KRT86: variants seen among roughly 807,000 people sequenced by gnomAD.
KRT86 encodes keratin 86, also known as keratin, type II cuticular Hb6.
Under a neutral mutation model 41.2 loss-of-function variants are expected in KRT86, and 30 were observed. That is an observed-to-expected ratio of 0.73 (90% CI 0.54 to 0.99). The LOEUF (loss-of-function observed/expected upper bound fraction) is 0.99. KRT86 is among the 50% of genes least tolerant of loss of function. The pLI, the probability that KRT86 is intolerant of heterozygous loss-of-function variation, is 0.00. For synonymous variants in KRT86, 238 were observed against 238.1 expected (o/e 1.00, Z 0.00); for missense variants, 561 against 571.4 (o/e 0.98, Z 0.19).
intron 2 of KRT86, chr12:52,291,303 G>GA (rs1355298615): frequency 6.5e-7 from 1 of 1,543,024 alleles, no homozygotes; most frequent in African/African-American, 1.4e-5. Context: ...GAGCCGGCCC[G>GA]AAAGCCTCCG....
At chr12:52,293,850 CT>C (rs1341154046) in intron 2 of KRT86, among the ~76,000 whole-genome samples, 1 of 152,088 alleles carries the variant, frequency 6.6e-6, no homozygotes, top group Non-Finnish European at 1.5e-5. Flanking sequence ...AATGGCCTGG[CT>C]TATAGCCCCC....
intron 2 of KRT86, among the ~76,000 whole-genome samples, chr12:52,281,439 G>T (rs374611439): frequency 1.3e-5 from 2 of 152,216 alleles, no homozygotes; most frequent in Non-Finnish European, 2.9e-5. Flanking sequence ...GGTTGAGGCT[G>T]CATGGTCCTG....
chr12:52,308,752 G>A lies in KRT86; in HGVS notation c.*167G>A, dbSNP rs1565751936. On this transcript the variant is annotated 3_prime_UTR_variant, in exon 11 of 11. Coordinates refer to ENST00000423955, the MANE Select transcript of KRT86 (RefSeq NM_001320198.2). ...GCTCCGGGAGCCATCCCCGGTCGCA[G>A]GAGTCCGGGGAGGGCCGGGAGGCGC... 1 of 639,488 alleles carries A rather than the reference G, an allele frequency of 1.6e-6. No individual in the cohort carries two copies. Among genetic ancestry groups the A allele is most frequent in the Non-Finnish European group, 2.7e-6 (1 of 372,450 alleles). 39.6% of individuals were successfully genotyped at this position (639,488 alleles called of 1,614,324 possible).
At chr12:52,288,587 C>A in intron 2 of KRT86, 1 of 1,103,202 alleles carries the variant, frequency 9.1e-7, no homozygotes, top group South Asian at 1.2e-5. Context: ...CCTTTCCTCC[C>A]CTTCTGCCCT....
At chr12:52,291,822 C>A (rs1206337435) in intron 2 of KRT86, among the ~76,000 whole-genome samples, 1 of 151,708 alleles carries the variant, frequency 6.6e-6, no homozygotes, top group Admixed American at 6.6e-5. Flanking sequence ...GAGGAGAGGA[C>A]GAGAAGGAGG....
intron 2 of KRT86, among the ~76,000 whole-genome samples, chr12:52,278,106 G>A (rs1446935359): frequency 1.3e-5 from 2 of 152,168 alleles, no homozygotes; most frequent in Non-Finnish European, 2.9e-5. Flanking sequence ...GGGGTTACAT[G>A]ACCAGGTGGG....
In KRT86 at chr12:52,308,880, C is replaced by T. The variant is rs2121324395; in HGVS notation, c.*295C>T. The T allele has an allele frequency of 9.3e-6, 4 of 429,076 alleles. No individual in the cohort carries two copies. The South Asian group carries it at 9.5e-5, about 10-fold the overall frequency. 26.6% of individuals were successfully genotyped at this position (429,076 alleles called of 1,614,324 possible). The stretch of plus-strand genomic sequence containing the variant: ...TGTTTTTTTTGCTGTATACATTGGT[C>T]TTGCCTGAGCTCTTCCCCAAAGCTT... On this transcript the variant is annotated 3_prime_UTR_variant, in exon 11 of 11. Coordinates refer to ENST00000423955, the MANE Select transcript of KRT86 (RefSeq NM_001320198.2).
intron 6 of KRT86, 55 bp downstream of exon 6, chr12:52,305,082 G>C: frequency 1.9e-6 from 3 of 1,610,830 alleles, no homozygotes; most frequent in Non-Finnish European, 2.5e-6. Flanking sequence ...GGAGAGATGG[G>C]GGTGGGAGTG....
intron 2 of KRT86, chr12:52,288,248 C>A: frequency 3.1e-6 from 5 of 1,597,984 alleles, no homozygotes; most frequent in Non-Finnish European, 1.7e-6. Context: ...CAACCCTGCC[C>A]CCTCACACAG....
rs1938301281 is a variant in KRT86 at position 52,298,545 on chromosome 12, C to T, written c.-4-3368C>T. Among the ~76,000 whole-genome samples, 4 of 152,328 alleles carry T rather than the reference C, an allele frequency of 2.6e-5. No homozygotes were observed. In the South Asian group the frequency reaches 8.3e-4, roughly 32 times the overall value. On this transcript the variant is annotated intron_variant, in intron 2 of 10. Coordinates refer to ENST00000423955, the MANE Select transcript of KRT86 (RefSeq NM_001320198.2). ...AACAACAACAACTAATATGATTACACACTTAGAGTGTGCCAGGCTTAGTTC... is the reference window on the plus strand; with the variant it reads ...AACAACAACAACTAATATGATTACATACTTAGAGTGTGCCAGGCTTAGTTC...
In KRT86 at chr12:52,287,149, G is replaced by A. The variant is rs762654620; in HGVS notation, c.-5+11203G>A. The A allele has an allele frequency of 4.3e-6, 7 of 1,613,420 alleles. No individual in the cohort carries two copies. In the African/African-American group the frequency reaches 5.3e-5, roughly 12 times the overall value. On this transcript the variant is annotated intron_variant, in intron 2 of 10. Transcript: ENST00000423955. Reference sequence around the variant, plus strand: ...GGCGCCTGTAGGTGGCGATCTCGATGTCCAGGCCCAGCTTGGAGTTCATCA... The same window carrying A: ...GGCGCCTGTAGGTGGCGATCTCGATATCCAGGCCCAGCTTGGAGTTCATCA...
Position 52,287,616 on chromosome 12 carries a change from C to A in KRT86, c.-5+11670C>A. On this transcript the variant is annotated intron_variant, in intron 2 of 10. Coordinates refer to ENST00000423955, the MANE Select transcript of KRT86 (RefSeq NM_001320198.2). ...CATACCTGGCACTTGGCATTCTCCA[C>A]CTCGGCCGTCAGCCTTTGGATCATG... 1 of 1,613,970 alleles carries A rather than the reference C, an allele frequency of 6.2e-7. No individual in the cohort carries two copies. Among genetic ancestry groups the A allele is most frequent in the Non-Finnish European group, 8.5e-7 (1 of 1,179,852 alleles).
intron 8 of KRT86, 119 bp from the exon 9 acceptor site, chr12:52,305,941 G>A (rs1333241987): frequency 6.4e-7 from 1 of 1,569,748 alleles, no homozygotes; most frequent in South Asian, 1.1e-5. Flanking sequence ...CCCAGGTGAT[G>A]AAGGCAAGAG....
rs192596593 is a variant in KRT86, at chr12:52,276,248, G to A, written c.-5+302G>A. Among the ~76,000 whole-genome samples, 1,279 of 151,996 alleles carry A rather than the reference G, an allele frequency of 8.4e-3. 7 individuals are homozygous for A. Among genetic ancestry groups the A allele is most frequent in the Middle Eastern group, 0.017 (5 of 294 alleles). Reference sequence around the variant, plus strand: ...TTTATGTCTGTGTTTTGTTTTTCTCGCTCAGTATTACATTTGAGCCCATCT... The same window carrying A: ...TTTATGTCTGTGTTTTGTTTTTCTCACTCAGTATTACATTTGAGCCCATCT... On this transcript the variant is annotated intron_variant, in intron 2 of 10. Coordinates refer to ENST00000423955, the MANE Select transcript of KRT86 (RefSeq NM_001320198.2).
intron 2 of KRT86, chr12:52,291,244 A>C: frequency 6.6e-7 from 1 of 1,504,658 alleles, no homozygotes; most frequent in Non-Finnish European, 8.9e-7. Context: ...TGCATGGGGG[A>C]CTGGGCCCGC....
intron 9 of KRT86, 31 bp from the exon 10 acceptor site, chr12:52,308,202 G>A (rs760040271): frequency 1.2e-6 from 2 of 1,614,096 alleles, no homozygotes; most frequent in Admixed American, 1.7e-5. Context: ...CCTTTTCCGC[G>A]GCACTGACCT....
chr12:52,278,703 G>T (rs1937698329), intron 2 of KRT86, among the ~76,000 whole-genome samples: 1 of 152,078 alleles, frequency 6.6e-6, no homozygotes, highest in African/African-American at 2.4e-5. Flanking sequence ...ACAGTAGGCT[G>T]GCATGGTCGG....
chr12:52,287,868 A>T (rs1421486920), intron 2 of KRT86: 1 of 1,602,516 alleles, frequency 6.2e-7, no homozygotes, highest in Admixed American at 1.7e-5. Flanking sequence ...TCAGATTGGC[A>T]GCCCTCTCTT....
At chr12:52,285,693 T>A (rs1937904374) in intron 2 of KRT86, among the ~76,000 whole-genome samples, 2 of 152,202 alleles carry the variant, frequency 1.3e-5, no homozygotes, top group Admixed American at 6.5e-5. Context: ...AGTTCTGGCT[T>A]CTTCATCTGC....
Sources: allele counts gnomAD v4.1 joint callset (sites outside exome capture counted in the v4.1 genomes callset), GRCh38; gene constraint gnomAD v4.1.1; transcripts MANE v1.5; gene names NCBI Gene and HGNC (gene_info 2026-07-23, HGNC 2026-07-21).